The following PTDSS2 variants were observed in gnomAD, a reference collection of about 807,000 sequenced individuals.
PTDSS2 encodes PSS-2.
Under a neutral mutation model 64.7 loss-of-function variants are expected in PTDSS2, and 41 were observed. The ratio of observed to expected loss-of-function variants is 0.63; its 90% CI spans 0.49 to 0.82. PTDSS2 has a LOEUF of 0.82. Ranked by LOEUF, PTDSS2 falls within the 40% of genes least tolerant of loss-of-function variation. The pLI, the probability that PTDSS2 is intolerant of heterozygous loss-of-function variation, is 0.00. For synonymous variants in PTDSS2, 297 were observed against 277.8 expected, an observed-to-expected ratio of 1.07 and a Z score of -0.69; for missense variants, 485 against 650.0, an observed-to-expected ratio of 0.75 and a Z score of 2.76.
intron 4 of PTDSS2, among the ~76,000 whole-genome samples, chr11:485,470 T>TGC (rs1848308443): frequency 1.0e-5 from 1 of 96,174 alleles, no homozygotes; most frequent in African/African-American, 4.0e-5. Context: ...AGTGCACGGG[T>TGC]GTGTGTGCTC....
chr11:473,744 C>T (rs1486839901), intron 2 of PTDSS2, 151 bp from the exon 3 acceptor site: 6 of 660,984 alleles, frequency 9.1e-6, no homozygotes, highest in East Asian at 7.9e-5. Flanking sequence ...TTCCCCGCGG[C>T]GGAGTCGCCC....
chr11:490,173 C>A, intron 11 of PTDSS2, 105 bp downstream of exon 11: 1 of 1,311,930 alleles, frequency 7.6e-7, no homozygotes. Context: ...ACTGTCCCTG[C>A]TTCAACCCTC....
intron 4 of PTDSS2, among the ~76,000 whole-genome samples, chr11:486,696 A>T (rs1848407055): frequency 6.6e-6 from 1 of 151,716 alleles, no homozygotes; most frequent in Non-Finnish European, 1.5e-5. Flanking sequence ...CAAAAAAAAA[A>T]TACTAGCCGG....
At chr11:466,307 G>A (rs779604094) in intron 2 of PTDSS2, among the ~76,000 whole-genome samples, 7 of 151,868 alleles carry the variant, frequency 4.6e-5, no homozygotes, top group Non-Finnish European at 7.4e-5. Flanking sequence ...CTCAGGAAAC[G>A]TACAATCACT....
At chr11:451,080 G>A (rs1846302644) in intron 1 of PTDSS2, among the ~76,000 whole-genome samples, 1 of 152,222 alleles carries the variant, frequency 6.6e-6, no homozygotes, top group African/African-American at 2.4e-5. Flanking sequence ...GCTTGCGGCT[G>A]CACGAAATCA....
chr11:473,919 T>C lies in PTDSS2; in HGVS notation c.309T>C (p.Val103=). The C allele has an allele frequency of 3.1e-6, 5 of 1,614,020 alleles. No homozygotes were observed. The highest frequency in any genetic ancestry group is 1.3e-5 in the African/African-American group (1 of 75,036). The change falls in exon 3 of 12, where the codon GTT becomes GTC. Residue 103 remains valine, a synonymous_variant. Transcript: ENST00000308020. The part of the protein sequence containing the change: ...TKRGIVASIL[V]FLCFGVTQAK... ...GAGGTATTGTGGCCAGTATTTTGGT[T>C]TTCTTATGTTTTGGAGTCACACAAG...
intron 1 of PTDSS2, among the ~76,000 whole-genome samples, chr11:458,090 T>C (rs1846680274): frequency 6.6e-6 from 1 of 152,272 alleles, no homozygotes; most frequent in Non-Finnish European, 1.5e-5. Flanking sequence ...CATGTGCTTA[T>C]TGGCCATTTG....
intron 11 of PTDSS2, 146 bp downstream of exon 11, chr11:490,214 A>G: frequency 8.6e-7 from 1 of 1,162,126 alleles, no homozygotes; most frequent in South Asian, 1.5e-5. Context: ...GCCTTTCCTG[A>G]CCCAGCCCTC....
intron 1 of PTDSS2, chr11:451,259 C>T (rs1427577166): frequency 2.7e-6 from 1 of 375,462 alleles, no homozygotes; most frequent in Non-Finnish European, 5.6e-6. Flanking sequence ...CTAGCTACAC[C>T]TTGGGGTCCC....
intron 2 of PTDSS2, among the ~76,000 whole-genome samples, chr11:466,200 A>T (rs997853063): frequency 6.6e-6 from 1 of 152,090 alleles, no homozygotes; most frequent in African/African-American, 2.4e-5. Context: ...ATGGTCTATT[A>T]GTCTGTTTTC....
chr11:487,245 C>A, intron 5 of PTDSS2, 172 bp downstream of exon 5: 1 of 937,740 alleles, frequency 1.1e-6, no homozygotes. Flanking sequence ...GGCAGGGGGC[C>A]CCTGCTCTCT....
At chr11:486,073 T>C (rs1231951053) in intron 4 of PTDSS2, among the ~76,000 whole-genome samples, 3 of 151,324 alleles carry the variant, frequency 2.0e-5, no homozygotes, top group African/African-American at 7.3e-5. Flanking sequence ...GTTCACCGTG[T>C]GCGCAGGCGA....
chr11:451,327 C>T (rs1346620081), intron 1 of PTDSS2: 7 of 430,968 alleles, frequency 1.6e-5, no homozygotes, highest in Non-Finnish European at 3.4e-5. Flanking sequence ...CCGGGAGCAG[C>T]TGGAGTGTGG....
At chr11:473,285 C>T (rs961080157) in intron 2 of PTDSS2, among the ~76,000 whole-genome samples, 4 of 152,240 alleles carry the variant, frequency 2.6e-5, no homozygotes, top group Admixed American at 6.5e-5. Flanking sequence ...TCTTATGAAT[C>T]ACAGGAGTCC....
chr11:489,573 C>T lies in PTDSS2; in HGVS notation c.970-15C>T, dbSNP rs1415073945. The T allele has an allele frequency of 1.2e-6, 2 of 1,605,566 alleles. No individual in the cohort carries two copies. The highest frequency in any genetic ancestry group is 1.7e-6 in the Non-Finnish European group (2 of 1,175,984). ...GCGGGGGGCCAGAGCTGGTGCTCAC[C>T]CTCTCCTCCCCTAGTTCCTGTTGGC... On this transcript the variant is annotated splice_polypyrimidine_tract_variant and intron_variant, in intron 9 of 11. Coordinates refer to ENST00000308020, the MANE Select transcript of PTDSS2 (RefSeq NM_030783.3).
At chr11:452,045 G>A (rs1423214292) in intron 1 of PTDSS2, among the ~76,000 whole-genome samples, 1 of 152,150 alleles carries the variant, frequency 6.6e-6, no homozygotes, top group Non-Finnish European at 1.5e-5. Flanking sequence ...CACAGCTGGG[G>A]ACCACCGGAG....
chr11:481,900 T>C (rs1399083401), intron 4 of PTDSS2, among the ~76,000 whole-genome samples: 1 of 151,634 alleles, frequency 6.6e-6, no homozygotes, highest in East Asian at 1.9e-4. Context: ...TGGAGTGCAG[T>C]GGTGTGATCT....
intron 4 of PTDSS2, among the ~76,000 whole-genome samples, chr11:486,461 G>C (rs142285815): frequency 6.6e-6 from 1 of 152,194 alleles, no homozygotes; most frequent in Non-Finnish European, 1.5e-5. Context: ...TTCCCCACGC[G>C]CTGCCCCACC....
In PTDSS2 at chr11:464,971, C is replaced by T. The variant is rs188792220; in HGVS notation, c.284+4683C>T. Among the ~76,000 whole-genome samples, 424 of 152,184 alleles carry T rather than the reference C, an allele frequency of 2.8e-3. 2 individuals are homozygous for T. Among genetic ancestry groups the T allele is most frequent in the Non-Finnish European group, 7.8e-4 (53 of 68,006 alleles). On this transcript the variant is annotated intron_variant, in intron 2 of 11. Transcript: ENST00000308020. The stretch of plus-strand genomic sequence containing the variant: ...TCAAGACTTCCTGTCAAAAATGCAC[C>T]GAAATACCGAGCCCAGAAACAGGCG...
Sources: gnomAD v4.1 joint callset for allele counts (sites outside exome capture counted in the v4.1 genomes callset) on GRCh38, gnomAD v4.1.1 for gene constraint, MANE v1.5 for transcripts, NCBI Gene and HGNC (gene_info 2026-07-23, HGNC 2026-07-21) for gene names.